DCC: variants seen among roughly 807,000 people sequenced by gnomAD.
DCC encodes the protein DCC netrin 1 receptor, also known as netrin receptor DCC.
Under a neutral mutation model 172.5 loss-of-function variants are expected in DCC, and 58 were observed. The ratio of observed to expected loss-of-function variants is 0.34; its 90% CI spans 0.27 to 0.42. DCC has a LOEUF of 0.42. Ranked by LOEUF, DCC falls within the 10% of genes least tolerant of loss-of-function variation. The probability of loss-of-function intolerance (pLI) is 1.00; values close to 1 mark genes in which losing one functional copy is unlikely to be tolerated. For synonymous variants in DCC, 709 were observed against 644.5 expected, an observed-to-expected ratio of 1.10 and a Z score of -1.52; for missense variants, 1,740 against 1,791.0, an observed-to-expected ratio of 0.97 and a Z score of 0.51.
At chr18:53,119,322 CA>C (rs2043450299) in intron 7 of DCC, among the ~76,000 whole-genome samples, 2 of 151,822 alleles carry the variant, frequency 1.3e-5, no homozygotes, top group Admixed American at 1.3e-4. Context: ...TCTCACCTCT[CA>C]CCACCCTACT....
chr18:52,648,815 A>T (rs2035067033), intron 1 of DCC, among the ~76,000 whole-genome samples: 1 of 152,230 alleles, frequency 6.6e-6, no homozygotes, highest in Admixed American at 6.5e-5. Context: ...TCAAGACCAC[A>T]ATAAAAGAAA....
chr18:53,306,105 A>G, intron 13 of DCC, among the ~76,000 whole-genome samples: 1 of 152,160 alleles, frequency 6.6e-6, no homozygotes, highest in East Asian at 1.9e-4. Flanking sequence ...AGGGGTGAGA[A>G]TGGGTTGAAA....
chr18:52,930,053 T>A (rs963159859), intron 5 of DCC, among the ~76,000 whole-genome samples: 7 of 151,954 alleles, frequency 4.6e-5, no homozygotes, highest in Non-Finnish European at 8.8e-5. Flanking sequence ...TGTCAGATGA[T>A]CCTCCATTCT....
At chr18:53,262,356 G>C (rs2056616872) in intron 12 of DCC, among the ~76,000 whole-genome samples, 1 of 152,138 alleles carries the variant, frequency 6.6e-6, no homozygotes, top group Non-Finnish European at 1.5e-5. Flanking sequence ...TTCTGTGGTG[G>C]TCTAACTCAT....
intron 1 of DCC, among the ~76,000 whole-genome samples, chr18:52,505,276 T>C (rs1043145028): frequency 3.3e-5 from 5 of 152,196 alleles, no homozygotes; most frequent in African/African-American, 1.2e-4. Flanking sequence ...ATAATATTCA[T>C]GTATAATTTT....
At chr18:53,227,272 T>A (rs2056048793) in intron 12 of DCC, among the ~76,000 whole-genome samples, 1 of 152,034 alleles carries the variant, frequency 6.6e-6, no homozygotes, top group South Asian at 2.1e-4. Flanking sequence ...AAGATATAAC[T>A]TCTTTAGATA....
rs59898050 is a variant in DCC, at chr18:53,090,698, C to CAAAAAAAAAAAAAAAAAAAAAAAAAA, written c.1261+24543_1261+24568dup. Among the ~76,000 whole-genome samples, 44 of 39,356 alleles carry CAAAAAAAAAAAAAAAAAAAAAAAAAA rather than the reference C, an allele frequency of 1.1e-3. 6 individuals are homozygous for CAAAAAAAAAAAAAAAAAAAAAAAAAA. The highest frequency in any genetic ancestry group is 2.0e-3 in the South Asian group (2 of 1,024). The allele number at this position is 39,356 out of a possible 152,430, so 25.8% of individuals were successfully genotyped here. ...GACAGAGCGAAACTCCGTCCCCCAA[C>CAAAAAAAAAAAAAAAAAAAAAAAAAA]AAAAAAAAAAAAAAAAAAAAAAAAA... On this transcript the variant is annotated intron_variant, in intron 7 of 28. Coordinates refer to ENST00000442544, the MANE Select transcript of DCC (RefSeq NM_005215.4).
intron 24 of DCC, among the ~76,000 whole-genome samples, chr18:53,460,463 G>C (rs1252162854): frequency 1.7e-5 from 2 of 117,252 alleles, no homozygotes; most frequent in Non-Finnish European, 3.3e-5. Flanking sequence ...CCCAGAGTGT[G>C]ATGTTCCCCT....
intron 1 of DCC, among the ~76,000 whole-genome samples, chr18:52,578,208 T>G (rs1049610932): frequency 2.0e-5 from 3 of 152,210 alleles, no homozygotes; most frequent in Non-Finnish European, 4.4e-5. Context: ...ATATGTCTCT[T>G]ATGCAGACAA....
In DCC at chr18:52,907,665, C is replaced by G. The variant is rs377039115; in HGVS notation, c.697+1337C>G. Among the ~76,000 whole-genome samples, 16 of 152,256 alleles carry G rather than the reference C, an allele frequency of 1.1e-4. No individual in the cohort carries two copies. In the South Asian group the frequency reaches 1.7e-3, roughly 16 times the overall value. ...TCCTGGGCTCCAGCAATCTGCCTGC[C>G]TCAGCCTCCGCCTCCCAAATTGCTG... On this transcript the variant is annotated intron_variant, in intron 3 of 28. Coordinates refer to ENST00000442544, the MANE Select transcript of DCC (RefSeq NM_005215.4).
intron 1 of DCC, among the ~76,000 whole-genome samples, chr18:52,448,175 A>G (rs954733275): frequency 6.6e-6 from 1 of 152,180 alleles, no homozygotes; most frequent in Admixed American, 6.5e-5. Context: ...TCATAGGAAC[A>G]TGAACCCTAC....
chr18:52,639,322 T>C (rs1183667113), intron 1 of DCC, among the ~76,000 whole-genome samples: 1 of 151,918 alleles, frequency 6.6e-6, no homozygotes, highest in African/African-American at 2.4e-5. Flanking sequence ...AGAGCAGATT[T>C]AAATGAAATT....
At chr18:52,880,772 C>T (rs1238730131) in intron 2 of DCC, among the ~76,000 whole-genome samples, 1 of 152,176 alleles carries the variant, frequency 6.6e-6, no homozygotes, top group Admixed American at 6.5e-5. Context: ...TTCTTGGACA[C>T]TCAAGTTGCT....
At chr18:52,978,748 A>G (rs1011918091) in intron 5 of DCC, among the ~76,000 whole-genome samples, 2 of 152,204 alleles carry the variant, frequency 1.3e-5, no homozygotes, top group African/African-American at 2.4e-5. Flanking sequence ...ACAGTCTCCT[A>G]TCCATTGTAT....
intron 1 of DCC, among the ~76,000 whole-genome samples, chr18:52,715,938 G>A (rs2036373676): frequency 1.3e-5 from 2 of 151,808 alleles, no homozygotes; most frequent in Admixed American, 6.6e-5. Context: ...CTCAGGTTAG[G>A]CCTGAGTTCA....
chr18:52,407,106 A>G (rs1336602541), intron 1 of DCC, among the ~76,000 whole-genome samples: 2 of 152,060 alleles, frequency 1.3e-5, no homozygotes, highest in East Asian at 3.9e-4. Flanking sequence ...TGGTGGCACA[A>G]TTGTCACTCC....
intron 1 of DCC, among the ~76,000 whole-genome samples, chr18:52,646,343 T>C (rs62083444): frequency 2.4e-3 from 372 of 152,322 alleles, no homozygotes; most frequent in Non-Finnish European, 4.1e-3. Flanking sequence ...CCCAACACAA[T>C]GTGTGGTGTT....
intron 1 of DCC, among the ~76,000 whole-genome samples, chr18:52,385,494 T>C (rs933736703): frequency 3.3e-5 from 5 of 152,052 alleles, no homozygotes; most frequent in Non-Finnish European, 7.4e-5. Flanking sequence ...CGTGAGCTAC[T>C]GTGCCTGGCC....
chr18:52,418,257 C>A (rs548278097), intron 1 of DCC, among the ~76,000 whole-genome samples: 1 of 152,210 alleles, frequency 6.6e-6, no homozygotes, highest in South Asian at 2.1e-4. Flanking sequence ...TCCAAAAATA[C>A]CCCTGGTGTA....
Sources: allele counts gnomAD v4.1 joint callset (sites outside exome capture counted in the v4.1 genomes callset), GRCh38; gene constraint gnomAD v4.1.1; transcripts MANE v1.5; gene names NCBI Gene and HGNC (gene_info 2026-07-23, HGNC 2026-07-21).